Variants in FAAH2 observed in about 807,000 individuals in gnomAD.
The protein encoded by FAAH2 is fatty acid amide hydrolase 2.
FAAH2 carries 60 observed loss-of-function variants against 36.9 expected under a neutral mutation model. The ratio of observed to expected loss-of-function variants is 1.63; its 90% CI spans 1.32 to 2.02. The LOEUF is 2.02. Among genes scored for constraint, FAAH2 ranks in the 30% most tolerant of loss-of-function variants. FAAH2 has a pLI of 0.00. For synonymous variants in FAAH2, 214 were observed against 143.8 expected, an observed-to-expected ratio of 1.49 and a Z score of -3.49; for missense variants, 689 against 397.5, an observed-to-expected ratio of 1.73 and a Z score of -6.23.
intron 10 of FAAH2, among the ~76,000 whole-genome samples, chrX:57,457,354 G>A (rs1419585389): frequency 9.0e-6 from 1 of 111,165 alleles, no homozygotes; most frequent in East Asian, 2.8e-4. Context: ...TACTGAATGA[G>A]CAAAAACTGG....
At chrX:57,122,465 T>C in the FAAH2 span, among the ~76,000 whole-genome samples, 1 of 112,100 alleles carries the variant, frequency 8.9e-6, no homozygotes, top group South Asian at 3.6e-4. Flanking sequence ...TGTATCGGAA[T>C]AGAAAGCTTT....
intron 2 of FAAH2, among the ~76,000 whole-genome samples, chrX:57,296,834 A>G (rs1165195406): frequency 2.7e-5 from 3 of 111,960 alleles, no homozygotes; most frequent in Non-Finnish European, 5.6e-5. Context: ...TGATTTGATC[A>G]AGTGGAAGAA....
chrX:57,294,955 G>A (rs1336400258), intron 2 of FAAH2, among the ~76,000 whole-genome samples: 1 of 111,975 alleles, frequency 8.9e-6, no homozygotes, highest in Non-Finnish European at 1.9e-5. Flanking sequence ...TAACACTGAA[G>A]TAACACCAAG....
chrX:57,402,626 G>A (rs1394873542), intron 7 of FAAH2, among the ~76,000 whole-genome samples: 1 of 111,941 alleles, frequency 8.9e-6, no homozygotes, highest in East Asian at 2.8e-4. Context: ...GTGACAGAGA[G>A]GTATGCTTCC....
intron 7 of FAAH2, among the ~76,000 whole-genome samples, chrX:57,418,351 T>C (rs1268156426): frequency 8.9e-6 from 1 of 111,925 alleles, no homozygotes; most frequent in Non-Finnish European, 1.9e-5. Context: ...CCCAGGGCCC[T>C]GGTGGTGTAG....
At chrX:57,130,090 A>G in the FAAH2 span, among the ~76,000 whole-genome samples, 1 of 112,280 alleles carries the variant, frequency 8.9e-6, no homozygotes, top group African/African-American at 3.2e-5. Context: ...GTAAAACTTC[A>G]TATCATTCCA....
At chrX:57,287,197 C>G (rs1393858306) in intron 1 of FAAH2, among the ~76,000 whole-genome samples, 180 bp downstream of exon 1, 1 of 111,106 alleles carries the variant, frequency 9.0e-6, no homozygotes, top group Non-Finnish European at 1.9e-5. Context: ...TTACCAAGGA[C>G]ATTTACTGTG....
the FAAH2 span, among the ~76,000 whole-genome samples, chrX:57,170,060 T>A: frequency 7.2e-5 from 8 of 111,598 alleles, no homozygotes; most frequent in South Asian, 1.1e-3. Flanking sequence ...AGCCTCAAAC[T>A]CCTGGGCTCA....
At chrX:57,416,744 T>C (rs1489149424) in intron 7 of FAAH2, among the ~76,000 whole-genome samples, 2 of 111,747 alleles carry the variant, frequency 1.8e-5, no homozygotes, top group South Asian at 3.8e-4. Flanking sequence ...TGTGGTGGTC[T>C]CTGTATTTCC....
chrX:57,311,184 A>G (rs2052682549), intron 3 of FAAH2, among the ~76,000 whole-genome samples: 1 of 112,418 alleles, frequency 8.9e-6, no homozygotes, highest in Non-Finnish European at 1.9e-5. Context: ...TAAATAACCC[A>G]TAAGTCAAAG....
Position 57,316,825 on chromosome X carries a change from C to T in FAAH2, c.412+6096C>T, listed in dbSNP as rs186753873. On this transcript the variant is annotated intron_variant, in intron 3 of 10. Coordinates refer to ENST00000374900, the MANE Select transcript of FAAH2 (RefSeq NM_174912.4). ...CTATATTGACCCTGTCTCCCCCCAC[C>T]GCCTCCAAAAAAACATGGTCAACTC... 1.7e-4 allele frequency among the ~76,000 whole-genome samples: 19 copies of T among 110,678 alleles called. 1 individual carries two copies. Among genetic ancestry groups the T allele is most frequent in the Admixed American group, 1.4e-3 (14 of 10,362 alleles).
intron 10 of FAAH2, among the ~76,000 whole-genome samples, chrX:57,459,643 G>C (rs950630888): frequency 2.7e-5 from 3 of 112,308 alleles, no homozygotes; most frequent in Non-Finnish European, 5.6e-5. Context: ...AGCTTCCAGA[G>C]GAAGAAGCAG....
chrX:57,464,576 G>C (rs1468049796), intron 10 of FAAH2, among the ~76,000 whole-genome samples: 2 of 102,898 alleles, frequency 1.9e-5, no homozygotes, highest in African/African-American at 7.0e-5. Flanking sequence ...AAGGGCTTCT[G>C]TGCAATAAAA....
intron 7 of FAAH2, among the ~76,000 whole-genome samples, chrX:57,411,888 CA>C (rs1455149517): frequency 8.9e-6 from 1 of 111,978 alleles, no homozygotes; most frequent in Admixed American, 9.5e-5. Context: ...GCTCCCACAA[CA>C]TTATTATTTT....
chrX:57,154,232 A>G, the FAAH2 span, among the ~76,000 whole-genome samples: 1 of 100,657 alleles, frequency 9.9e-6, no homozygotes, highest in Non-Finnish European at 2.0e-5. Context: ...TATGCTATCT[A>G]TTTCACTGAA....
At chrX:57,241,310 G>A in the FAAH2 span, among the ~76,000 whole-genome samples, 1 of 112,270 alleles carries the variant, frequency 8.9e-6, no homozygotes, top group African/African-American at 3.2e-5. Context: ...TTATGATGAT[G>A]CCAAAAGCAA....
intron 2 of FAAH2, 142 bp from the exon 3 acceptor site, chrX:57,310,451 G>T (rs1449569490): frequency 3.2e-5 from 19 of 599,632 alleles, no homozygotes; most frequent in Non-Finnish European, 4.5e-5. Context: ...TGGCTCAAAT[G>T]GTCAGCTTTA....
intron 8 of FAAH2, among the ~76,000 whole-genome samples, chrX:57,432,590 A>G (rs900175087): frequency 1.8e-5 from 2 of 111,599 alleles, no homozygotes; most frequent in Admixed American, 9.6e-5. Flanking sequence ...TTAGAAGCTG[A>G]TACAGGTACT....
intron 7 of FAAH2, among the ~76,000 whole-genome samples, chrX:57,425,532 T>C (rs1602621310): frequency 8.9e-6 from 1 of 111,791 alleles, no homozygotes; most frequent in African/African-American, 3.2e-5. Context: ...ACAGAAACTT[T>C]ATAAGCCTGA....
Sources: gnomAD v4.1 joint callset for allele counts (sites outside exome capture counted in the v4.1 genomes callset) on GRCh38, gnomAD v4.1.1 for gene constraint, MANE v1.5 for transcripts, NCBI Gene and HGNC (gene_info 2026-07-23, HGNC 2026-07-21) for gene names.